Variants in HECW1 observed in about 807,000 individuals in gnomAD.
HECW1 encodes HECT, C2 and WW domain containing E3 ubiquitin protein ligase 1, also known as E3 ubiquitin-protein ligase HECW1.
HECW1 carries 61 observed loss-of-function variants against 182.3 expected under a neutral mutation model. That is an observed-to-expected ratio of 0.33 (90% CI 0.27 to 0.41). The LOEUF is 0.41. HECW1 is among the 10% of genes least tolerant of loss of function. The pLI is 1.00. For synonymous variants in HECW1, 859 were observed against 832.6 expected, an observed-to-expected ratio of 1.03 and a Z score of -0.55; for missense variants, 1,739 against 2,108.9, an observed-to-expected ratio of 0.82 and a Z score of 3.44.
At chr7:43,467,542 G>C (rs1362672548) in intron 15 of HECW1, among the ~76,000 whole-genome samples, 1 of 152,102 alleles carries the variant, frequency 6.6e-6, no homozygotes, top group Non-Finnish European at 1.5e-5. Flanking sequence ...GTAGCACTTG[G>C]GCTGCCTGAC....
chr7:43,222,604 GTTC>G (rs1461314812), intron 2 of HECW1, among the ~76,000 whole-genome samples: 2 of 152,158 alleles, frequency 1.3e-5, no homozygotes, highest in African/African-American at 2.4e-5. Flanking sequence ...TAAAGATACT[GTTC>G]TTCTTCCATA....
intron 2 of HECW1, among the ~76,000 whole-genome samples, chr7:43,237,147 AGGTAGGTAGGTAGGTAG>A (rs1281353631): frequency 1.2e-5 from 1 of 83,516 alleles, no homozygotes; most frequent in Non-Finnish European, 2.4e-5. Flanking sequence ...GGAAGTAGGT[AGGTAGGTAGGTAGGTAG>A]GTAGGTAGGT....
chr7:43,212,911 T>C (rs532391130), intron 2 of HECW1, among the ~76,000 whole-genome samples: 1 of 152,342 alleles, frequency 6.6e-6, no homozygotes, highest in East Asian at 1.9e-4. Context: ...TTATATTATA[T>C]GGTAGATATT....
intron 5 of HECW1, among the ~76,000 whole-genome samples, chr7:43,323,391 C>T (rs931922384): frequency 6.6e-6 from 1 of 152,046 alleles, no homozygotes; most frequent in Non-Finnish European, 1.5e-5. Flanking sequence ...CCCAGGAGTT[C>T]GAGACCAACC....
At chr7:43,200,034 G>T (rs1203027715) in intron 2 of HECW1, among the ~76,000 whole-genome samples, 1 of 152,092 alleles carries the variant, frequency 6.6e-6, no homozygotes, top group African/African-American at 2.4e-5. Context: ...AATCCTTTTA[G>T]GGCTCATGCC....
At chr7:43,204,293 A>G (rs1795269681) in intron 2 of HECW1, among the ~76,000 whole-genome samples, 1 of 152,240 alleles carries the variant, frequency 6.6e-6, no homozygotes, top group African/African-American at 2.4e-5. Flanking sequence ...AATAAACAAA[A>G]TAAACCCATG....
At chr7:43,457,434 G>A (rs1309352855) in intron 13 of HECW1, among the ~76,000 whole-genome samples, 1 of 152,192 alleles carries the variant, frequency 6.6e-6, no homozygotes, top group Non-Finnish European at 1.5e-5. Context: ...AGACTTAACT[G>A]TTATCTGCCA....
chr7:43,498,601 G>C (rs2079204619), intron 19 of HECW1, among the ~76,000 whole-genome samples: 1 of 152,102 alleles, frequency 6.6e-6, no homozygotes, highest in South Asian at 2.1e-4. Flanking sequence ...GAGAGATGGG[G>C]ATGTTCTGTT....
chr7:43,488,426 GAAAGAAAGAGAAAGAA>G (rs1563045716), intron 17 of HECW1, among the ~76,000 whole-genome samples: 1 of 105,078 alleles, frequency 9.5e-6, no homozygotes. Context: ...GAGAGAGAAA[GAAAGAAAGAGAAAGAA>G]AGAAAGAAAG....
chr7:43,416,513 C>CCTA (rs1249687393), intron 8 of HECW1, among the ~76,000 whole-genome samples: 4 of 152,052 alleles, frequency 2.6e-5, no homozygotes, highest in Admixed American at 2.6e-4. Context: ...AGAGGTGGGG[C>CCTA]CTACAGTGGC....
chr7:43,309,200 G>A (rs1005900370), intron 3 of HECW1, among the ~76,000 whole-genome samples: 8 of 152,230 alleles, frequency 5.3e-5, no homozygotes, highest in South Asian at 4.1e-4. Context: ...GGCAAGGAGC[G>A]GTTACAGCAG....
intron 3 of HECW1, among the ~76,000 whole-genome samples, chr7:43,247,290 G>A (rs894725586): frequency 6.6e-6 from 1 of 152,192 alleles, no homozygotes; most frequent in Admixed American, 6.5e-5. Context: ...GCATGTGCTA[G>A]ATGGCAGGAC....
chr7:43,501,842 AAAAGAAAG>A (rs554668603), intron 21 of HECW1, among the ~76,000 whole-genome samples: 3 of 152,176 alleles, frequency 2.0e-5, no homozygotes, highest in Non-Finnish European at 2.9e-5. Context: ...AAAAAAATAA[AAAAGAAAG>A]AAAGAAAGAA....
chr7:43,514,937 A>G (rs1289461280), intron 24 of HECW1, among the ~76,000 whole-genome samples: 14 of 152,238 alleles, frequency 9.2e-5, no homozygotes, highest in Non-Finnish European at 1.5e-5. Context: ...GAACCCAGGT[A>G]TCATGGCTCT....
intron 2 of HECW1, among the ~76,000 whole-genome samples, chr7:43,152,322 A>G (rs1789421258): frequency 6.6e-6 from 1 of 152,258 alleles, no homozygotes; most frequent in African/African-American, 2.4e-5. Flanking sequence ...GTAATCTCAC[A>G]GGTAAGCCAA....
At chr7:43,276,345 T>G (rs1168073458) in intron 3 of HECW1, among the ~76,000 whole-genome samples, 1 of 152,182 alleles carries the variant, frequency 6.6e-6, no homozygotes, top group Non-Finnish European at 1.5e-5. Flanking sequence ...TCCCAGCAAG[T>G]AAATAGAGAC....
intron 5 of HECW1, among the ~76,000 whole-genome samples, chr7:43,333,361 C>T (rs573376131): frequency 4.6e-5 from 7 of 152,312 alleles, no homozygotes; most frequent in African/African-American, 1.7e-4. Flanking sequence ...AAAGAAAAGG[C>T]AACACAGGAT....
At chr7:43,402,109 C>T (rs373189341) in intron 7 of HECW1, among the ~76,000 whole-genome samples, 3 of 152,116 alleles carry the variant, frequency 2.0e-5, no homozygotes, top group African/African-American at 7.2e-5. Context: ...GAGCTACCTC[C>T]GCCAATCACT....
Position 43,325,800 on chromosome 7 carries a change from C to T in HECW1, c.460+5058C>T, listed in dbSNP as rs1298564268. Among the ~76,000 whole-genome samples, 7 of 152,158 alleles carry T rather than the reference C, an allele frequency of 4.6e-5. No homozygotes were observed. In the East Asian group the frequency reaches 7.7e-4, roughly 17 times the overall value. The stretch of plus-strand genomic sequence containing the variant: ...AGTCTTAGGCTCGGCCTGTCTTGCC[C>T]CTCGTTTCCTCGTGTGGAAACCTGG... On this transcript the variant is annotated intron_variant, in intron 5 of 29. Coordinates refer to ENST00000395891, the MANE Select transcript of HECW1 (RefSeq NM_015052.5).
Sources: gnomAD v4.1 joint callset for allele counts (sites outside exome capture counted in the v4.1 genomes callset) on GRCh38, gnomAD v4.1.1 for gene constraint, MANE v1.5 for transcripts, NCBI Gene and HGNC (gene_info 2026-07-23, HGNC 2026-07-21) for gene names.